The following NAV2 variants were observed in gnomAD, a reference collection of about 807,000 sequenced individuals.
NAV2 encodes the protein neuron navigator 2.
NAV2 carries 54 observed loss-of-function variants against 223.2 expected under a neutral mutation model. The ratio of observed to expected loss-of-function variants is 0.24; its 90% CI spans 0.19 to 0.30. The LOEUF is 0.30. Ranked by LOEUF, NAV2 falls within the 10% of genes least tolerant of loss-of-function variation. The probability of loss-of-function intolerance (pLI) is 1.00; values close to 1 mark genes in which losing one functional copy is unlikely to be tolerated. For synonymous variants in NAV2, 1,279 were observed against 1,239.3 expected, an observed-to-expected ratio of 1.03 and a Z score of -0.67; for missense variants, 2,806 against 3,147.5, an observed-to-expected ratio of 0.89 and a Z score of 2.60.
At chr11:19,446,748 G>A (rs1851599364) in intron 1 of NAV2, among the ~76,000 whole-genome samples, 1 of 152,180 alleles carries the variant, frequency 6.6e-6, no homozygotes, top group African/African-American at 2.4e-5. Context: ...GGGAGCCAGA[G>A]CCTGGTGGGG....
chr11:19,507,754 G>T (rs958470711), intron 1 of NAV2, among the ~76,000 whole-genome samples: 2 of 152,084 alleles, frequency 1.3e-5, no homozygotes, highest in African/African-American at 4.8e-5. Flanking sequence ...ATTTATTGAA[G>T]GCTTCCACCT....
At chr11:19,508,299 G>A (rs1336387017) in intron 1 of NAV2, among the ~76,000 whole-genome samples, 2 of 152,072 alleles carry the variant, frequency 1.3e-5, no homozygotes, top group African/African-American at 4.8e-5. Context: ...CTGACTCATT[G>A]ACTATCCACT....
intron 1 of NAV2, among the ~76,000 whole-genome samples, chr11:19,608,879 T>C (rs2046553936): frequency 1.3e-5 from 2 of 152,224 alleles, no homozygotes; most frequent in Non-Finnish European, 2.9e-5. Flanking sequence ...TTTCCTTGTC[T>C]TCCCCAGTTT....
chr11:19,540,403 C>A lies in NAV2; in HGVS notation c.75+189376C>A, dbSNP rs1427624267. On this transcript the variant is annotated intron_variant, in intron 1 of 37. Transcript: ENST00000360655. ...TATTCTCCACTTACTATTTCCTAGG[C>A]ACTAAACATTTTATATACATTTGTG... is the stretch of plus-strand genomic sequence containing the variant. Among the ~76,000 whole-genome samples, 4 of 152,234 alleles carry A rather than the reference C, an allele frequency of 2.6e-5. 1 individual carries two copies. The highest frequency in any genetic ancestry group is 4.4e-5 in the Non-Finnish European group (3 of 68,038).
chr11:19,760,422 C>G (rs1490232916), intron 1 of NAV2, among the ~76,000 whole-genome samples: 1 of 152,178 alleles, frequency 6.6e-6, no homozygotes, highest in East Asian at 1.9e-4. Context: ...TTAGTTATTT[C>G]CCTCCTGGCT....
chr11:19,914,340 G>A (rs542629404), intron 6 of NAV2, among the ~76,000 whole-genome samples: 1 of 152,198 alleles, frequency 6.6e-6, no homozygotes, highest in Non-Finnish European at 1.5e-5. Context: ...CTGTTCTGCC[G>A]AAATACTTGC....
chr11:20,072,004 G>T (rs10833234), intron 22 of NAV2, among the ~76,000 whole-genome samples: 55,110 of 151,906 alleles, frequency 0.36, 11,839 homozygotes, highest in African/African-American at 0.6. Context: ...AGTCATGAAG[G>T]CTTTGCCCAT....
intron 6 of NAV2, among the ~76,000 whole-genome samples, chr11:19,896,718 T>C (rs1193229375): frequency 6.6e-6 from 1 of 152,228 alleles, no homozygotes; most frequent in African/African-American, 2.4e-5. Context: ...TAGAATTTCA[T>C]TATTCTGTCA....
intron 1 of NAV2, among the ~76,000 whole-genome samples, chr11:19,639,619 T>C (rs970506805): frequency 6.6e-6 from 1 of 152,156 alleles, no homozygotes; most frequent in Non-Finnish European, 1.5e-5. Flanking sequence ...GGCCCACTGA[T>C]GTGGAGGTAG....
intron 1 of NAV2, among the ~76,000 whole-genome samples, chr11:19,832,268 C>T (rs1331864585): frequency 6.6e-6 from 1 of 152,210 alleles, no homozygotes; most frequent in Non-Finnish European, 1.5e-5. Context: ...TTTAGTTTTT[C>T]CCTGAATCTT....
At chr11:19,504,655 G>C (rs944759040) in intron 1 of NAV2, among the ~76,000 whole-genome samples, 1 of 152,160 alleles carries the variant, frequency 6.6e-6, no homozygotes, top group African/African-American at 2.4e-5. Context: ...TCTAGGTCTT[G>C]TTTTCCCCTT....
intron 1 of NAV2, among the ~76,000 whole-genome samples, chr11:19,569,634 G>C (rs535395804): frequency 1.5e-3 from 230 of 152,238 alleles, no homozygotes; most frequent in Non-Finnish European, 2.8e-3. Flanking sequence ...CCATAGCACA[G>C]AGCTTGGTAC....
chr11:20,074,773 T>TTTTTTTTTTTTTTTTTTTTTTTTC, intron 22 of NAV2, among the ~76,000 whole-genome samples: 1 of 145,914 alleles, frequency 6.9e-6, no homozygotes, highest in African/African-American at 2.6e-5. Context: ...TTTTTTTTTT[T>TTTTTTTTTTTTTTTTTTTTTTTTC]TTTGCTTTCC....
chr11:19,840,040 T>C (rs1404634103), intron 2 of NAV2, among the ~76,000 whole-genome samples: 2 of 152,254 alleles, frequency 1.3e-5, no homozygotes, highest in Admixed American at 6.5e-5. Flanking sequence ...CTATTAGCAC[T>C]CTAATTATTT....
chr11:19,705,010 CAAA>C (rs1244386651), intron 1 of NAV2, among the ~76,000 whole-genome samples: 2 of 47,534 alleles, frequency 4.2e-5, no homozygotes, highest in Admixed American at 2.3e-4. Flanking sequence ...GACTCCGTCT[CAAA>C]AAAAAAAAAA....
intron 1 of NAV2, among the ~76,000 whole-genome samples, chr11:19,508,981 G>A (rs549854310): frequency 9.2e-5 from 14 of 152,350 alleles, no homozygotes; most frequent in Non-Finnish European, 1.9e-4. Context: ...GGTAGTTTGA[G>A]AAGGAAGAGC....
chr11:19,495,900 C>T (rs1214787361), intron 1 of NAV2, among the ~76,000 whole-genome samples: 1 of 152,176 alleles, frequency 6.6e-6, no homozygotes, highest in East Asian at 1.9e-4. Context: ...GGGTCAGTGA[C>T]AGCGGGAGAG....
intron 1 of NAV2, among the ~76,000 whole-genome samples, chr11:19,762,367 A>G (rs1013619246): frequency 1.3e-5 from 2 of 152,178 alleles, no homozygotes; most frequent in African/African-American, 4.8e-5. Flanking sequence ...CTACAATGAT[A>G]TGCAAAGCCC....
intron 1 of NAV2, among the ~76,000 whole-genome samples, chr11:19,544,143 G>C (rs2044418427): frequency 6.6e-6 from 1 of 152,196 alleles, no homozygotes; most frequent in African/African-American, 2.4e-5. Flanking sequence ...AAATTATTGA[G>C]TGTATGAATG....
Sources: gnomAD v4.1 joint callset for allele counts (sites outside exome capture counted in the v4.1 genomes callset) on GRCh38, gnomAD v4.1.1 for gene constraint, MANE v1.5 for transcripts, NCBI Gene and HGNC (gene_info 2026-07-23, HGNC 2026-07-21) for gene names.